The following LDB2 variants were observed in gnomAD, a reference collection of about 807,000 sequenced individuals.
LDB2 encodes LIM domain binding 2.
LDB2 carries 12 observed loss-of-function variants against 44.3 expected under a neutral mutation model. That is an observed-to-expected ratio of 0.27 (90% CI 0.17 to 0.44). The LOEUF (loss-of-function observed/expected upper bound fraction) is 0.44. Ranked by LOEUF, LDB2 falls within the 20% of genes least tolerant of loss-of-function variation. The probability of loss-of-function intolerance (pLI) is 1.00; values close to 1 mark genes in which losing one functional copy is unlikely to be tolerated. For synonymous variants in LDB2, 164 were observed against 174.8 expected (o/e 0.94, Z 0.49); for missense variants, 344 against 473.5 (o/e 0.73, Z 2.54).
At position 16,512,104 on chromosome 4, in the gene LDB2, A is replaced by G; in HGVS notation, c.616T>C (p.Leu206=). 3.1e-6 allele frequency: 5 copies of G among 1,606,144 alleles called. No homozygotes were observed. The change falls in exon 6 of 8, where the codon TTG becomes CTG. Residue 206 remains leucine, a splice_region_variant and synonymous_variant. Transcript: ENST00000304523. Reference sequence around the variant, plus strand: ...TGCATTGGCTCCAATATTACACACAACTGCAAGAAGTTCAAAGACATTGGC... The same window carrying G: ...TGCATTGGCTCCAATATTACACACAGCTGCAAGAAGTTCAAAGACATTGGC... ...LTNFTLNYLR[L]CVILEPMQEL... is the part of the protein sequence containing the mutation.
chr4:16,545,413 T>C (rs1024661741), intron 5 of LDB2, among the ~76,000 whole-genome samples: 19 of 152,212 alleles, frequency 1.2e-4, no homozygotes, highest in Admixed American at 3.9e-4. Flanking sequence ...TCTGTTATTA[T>C]ATTAACAGCG....
chr4:16,512,167 G>C, intron 5 of LDB2, 63 bp from the exon 6 acceptor site: 2 of 1,401,516 alleles, frequency 1.4e-6, no homozygotes, highest in Non-Finnish European at 1.9e-6. Flanking sequence ...AATAAATAAT[G>C]CTAACAGCTG....
chr4:16,507,436 G>GAAGT lies in LDB2; in HGVS notation c.891+1095_891+1098dup, dbSNP rs1173590010. Among the ~76,000 whole-genome samples the GAAGT allele has an allele frequency of 3.3e-5, 5 of 152,112 alleles. No homozygotes were observed. The East Asian group carries it at 9.7e-4, about 29-fold the overall frequency. ...GGGGCAGATGTGAAAGACACACTTG[G>GAAGT]AAGTAAGTGGGGAATCCCTGTGCGA... On this transcript the variant is annotated intron_variant, in intron 7 of 7. Transcript: ENST00000304523.
chr4:16,785,555 C>G (rs891314321), intron 1 of LDB2, among the ~76,000 whole-genome samples: 4 of 152,154 alleles, frequency 2.6e-5, no homozygotes, highest in Non-Finnish European at 1.5e-5. Context: ...CGGGCAGCAG[C>G]CGCATCGGGT....
intron 1 of LDB2, among the ~76,000 whole-genome samples, chr4:16,841,220 C>T (rs1785837748): frequency 6.6e-6 from 1 of 150,936 alleles, no homozygotes; most frequent in African/African-American, 2.4e-5. Context: ...CTAGCTTTGA[C>T]ATTTCTGAAC....
At chr4:16,640,385 A>T (rs1443697817) in intron 2 of LDB2, among the ~76,000 whole-genome samples, 1 of 152,352 alleles carries the variant, frequency 6.6e-6, no homozygotes, top group Non-Finnish European at 1.5e-5. Flanking sequence ...TAACTGAAAT[A>T]TGAAGGACCT....
Position 16,512,087 on chromosome 4 carries a change from C to T in LDB2, c.633G>A (p.Glu211=), listed in dbSNP as rs1721951817. 1 of 1,612,358 alleles carries T rather than the reference C, an allele frequency of 6.2e-7. No individual in the cohort carries two copies. Among genetic ancestry groups the T allele is most frequent in the Non-Finnish European group, 8.5e-7 (1 of 1,178,980 alleles). Residue 211 remains glutamate, a synonymous_variant, in exon 6 of 8, where the codon GAG becomes GAA. Coordinates refer to ENST00000304523, the MANE Select transcript of LDB2 (RefSeq NM_001290.5). ...LNYLRLCVIL[E]PMQELMSRHK... Reference sequence around the variant, plus strand: ...GTCTCGACATCAGTTCCTGCATTGGCTCCAATATTACACACAACTGCAAGA... The same window carrying T: ...GTCTCGACATCAGTTCCTGCATTGGTTCCAATATTACACACAACTGCAAGA...
intron 1 of LDB2, among the ~76,000 whole-genome samples, chr4:16,795,225 C>G (rs1776514298): frequency 6.6e-6 from 1 of 152,080 alleles, no homozygotes. Context: ...GAAGAGAGAG[C>G]CTGGGGAAGA....
intron 2 of LDB2, among the ~76,000 whole-genome samples, chr4:16,683,806 G>A (rs1443255113): frequency 6.6e-6 from 1 of 152,194 alleles, no homozygotes; most frequent in East Asian, 1.9e-4. Flanking sequence ...TGACGGGGAG[G>A]TTCAATAGGA....
At chr4:16,841,430 C>A (rs1361685802) in intron 1 of LDB2, among the ~76,000 whole-genome samples, 1 of 152,184 alleles carries the variant, frequency 6.6e-6, no homozygotes, top group Non-Finnish European at 1.5e-5. Context: ...GGTAAAACTA[C>A]TTTTTGAATG....
intron 5 of LDB2, among the ~76,000 whole-genome samples, chr4:16,531,332 C>T (rs2152302871): frequency 7.9e-6 from 1 of 126,868 alleles, no homozygotes; most frequent in African/African-American, 2.7e-5. Context: ...ACCCTTGCTC[C>T]CAGCAGTATC....
At chr4:16,522,739 T>C (rs1344729445) in intron 5 of LDB2, among the ~76,000 whole-genome samples, 2 of 152,212 alleles carry the variant, frequency 1.3e-5, no homozygotes, top group East Asian at 3.8e-4. Context: ...ACTCTGTCTA[T>C]GGTATATATA....
intron 1 of LDB2, among the ~76,000 whole-genome samples, chr4:16,804,244 C>T (rs1289882560): frequency 2.0e-5 from 3 of 151,984 alleles, no homozygotes; most frequent in Non-Finnish European, 4.4e-5. Context: ...GGACTCCTGG[C>T]TAGGTACATA....
At position 16,888,472 on chromosome 4, in the gene LDB2, G is replaced by T. The variant is rs73131707; in HGVS notation, c.132+9882C>A. 6.6e-3 allele frequency among the ~76,000 whole-genome samples: 998 copies of T among 152,146 alleles called. 12 individuals are homozygous for T. The highest frequency in any genetic ancestry group is 0.021 in the African/African-American group (890 of 41,518). On this transcript the variant is annotated intron_variant, in intron 1 of 7. Transcript: ENST00000304523. The stretch of plus-strand genomic sequence containing the variant: ...CTCTGCCATTCCTCTCACATAACAA[G>T]GTATATGATTATTATGTCATCCCTG...
rs775456447 is a variant in LDB2, at chr4:16,715,247, C to T, written c.235+43911G>A. Among the ~76,000 whole-genome samples the T allele has an allele frequency of 2.1e-4, 32 of 152,306 alleles. 1 individual carries two copies. The highest frequency in any genetic ancestry group is 3.4e-3 in the Middle Eastern group (1 of 292). On this transcript the variant is annotated intron_variant, in intron 2 of 7. Transcript: ENST00000304523. ...TCTAGTACACACTCAAACAAGGATTCCATGCTGCCTCCCATACAAATACAA... is the reference window on the plus strand; with the variant it reads ...TCTAGTACACACTCAAACAAGGATTTCATGCTGCCTCCCATACAAATACAA...
intron 1 of LDB2, among the ~76,000 whole-genome samples, chr4:16,803,274 C>G (rs1281460995): frequency 1.3e-5 from 2 of 152,106 alleles, no homozygotes; most frequent in Admixed American, 1.3e-4. Context: ...GTCATTGACT[C>G]AAATCACTGA....
At chr4:16,834,226 CTTA>C (rs141634838) in intron 1 of LDB2, among the ~76,000 whole-genome samples, 10,895 of 152,238 alleles carry the variant, frequency 0.072, 494 homozygotes, top group South Asian at 0.17. Flanking sequence ...ACCTTAGGGA[CTTA>C]TTAATGAATT....
chr4:16,616,294 A>T (rs1042872373), intron 2 of LDB2, among the ~76,000 whole-genome samples: 1 of 152,144 alleles, frequency 6.6e-6, no homozygotes, highest in Non-Finnish European at 1.5e-5. Context: ...ACTGTTAGTT[A>T]TTTTATAATT....
chr4:16,688,629 G>C (rs1162836819), intron 2 of LDB2, among the ~76,000 whole-genome samples: 1 of 152,158 alleles, frequency 6.6e-6, no homozygotes. Flanking sequence ...TGAATGACTT[G>C]TCCAGGAGAC....
Sources: allele counts gnomAD v4.1 joint callset (sites outside exome capture counted in the v4.1 genomes callset), GRCh38; gene constraint gnomAD v4.1.1; transcripts MANE v1.5; gene names NCBI Gene and HGNC (gene_info 2026-07-23, HGNC 2026-07-21).